LRRFIP1: variants seen among roughly 807,000 people sequenced by gnomAD.
The protein encoded by LRRFIP1 is leucine-rich repeat flightless-interacting protein 1.
Under a neutral mutation model 104.4 loss-of-function variants are expected in LRRFIP1, and 62 were observed. The observed-to-expected ratio is 0.59, with a 90% CI of 0.48 to 0.73. The LOEUF is 0.73. Among genes scored for constraint, LRRFIP1 ranks in the 30% least tolerant of loss-of-function variants. The pLI is 0.00. For synonymous variants in LRRFIP1, 300 were observed against 299.0 expected, an observed-to-expected ratio of 1.00 and a Z score of -0.03; for missense variants, 796 against 824.5, an observed-to-expected ratio of 0.97 and a Z score of 0.42.
chr2:237,756,587 T>C (rs554262940), intron 16 of LRRFIP1, among the ~76,000 whole-genome samples: 10 of 152,372 alleles, frequency 6.6e-5, no homozygotes, highest in Admixed American at 3.9e-4. Context: ...CAGATGAATT[T>C]AGAGGGACAC....
chr2:237,760,216 G>C lies in LRRFIP1; in HGVS notation c.1459+11G>C. The C allele has an allele frequency of 6.2e-7, 1 of 1,613,574 alleles. No individual in the cohort carries two copies. The highest frequency in any genetic ancestry group is 8.5e-7 in the Non-Finnish European group (1 of 1,179,676). ...GGGATGGGACCCTAGGTAAGTATTT[G>C]CTTTCCTTCGGCTCCTCACACCTTT... On this transcript the variant is annotated intron_variant, in intron 19 of 23. Transcript: ENST00000308482.
chr2:237,719,406 T>C (rs2094458390), intron 4 of LRRFIP1, 117 bp from the exon 5 acceptor site: 1 of 641,148 alleles, frequency 1.6e-6, no homozygotes. Flanking sequence ...AATATTTATG[T>C]GACATTTAGA....
At chr2:237,645,882 GCC>G (rs1232264128) in intron 1 of LRRFIP1, among the ~76,000 whole-genome samples, 1,926 of 152,042 alleles carry the variant, frequency 0.013, 61 homozygotes, top group African/African-American at 0.043. Context: ...TCTTTACAAA[GCC>G]CTGTCCACTG....
At chr2:237,667,211 T>C (rs1327416252) in intron 1 of LRRFIP1, among the ~76,000 whole-genome samples, 1 of 152,114 alleles carries the variant, frequency 6.6e-6, no homozygotes, top group African/African-American at 2.4e-5. Context: ...CTGGTAAGTG[T>C]TGTTCCCCTC....
In LRRFIP1 at chr2:237,733,693, A is replaced by G. The variant is rs1439196734; in HGVS notation, c.445-81A>G. On this transcript the variant is annotated intron_variant, in intron 8 of 23. Coordinates refer to ENST00000308482, the MANE Select transcript of LRRFIP1 (RefSeq NM_001137550.2). ...GCAGTTGGCTATGGTGAATGCTGAA[A>G]CTATCGTGATGGCCTTTTGCTGTCA... 4.3e-6 allele frequency: 6 copies of G among 1,381,598 alleles called. No homozygotes were observed. In the African/African-American group the frequency reaches 7.1e-5, roughly 16 times the overall value. 85.6% of individuals were successfully genotyped at this position (1,381,598 alleles called of 1,614,324 possible).
intron 1 of LRRFIP1, among the ~76,000 whole-genome samples, chr2:237,631,719 G>A (rs2082365413): frequency 6.6e-6 from 1 of 152,214 alleles, no homozygotes; most frequent in South Asian, 2.1e-4. Flanking sequence ...GCTGAGTAAA[G>A]CGATACTGGT....
At chr2:237,648,450 G>C (rs900787550) in intron 1 of LRRFIP1, among the ~76,000 whole-genome samples, 2 of 151,812 alleles carry the variant, frequency 1.3e-5, no homozygotes, top group African/African-American at 4.8e-5. Flanking sequence ...CTCACGGCCA[G>C]GTGCCGTTGG....
chr2:237,644,670 ATTTTCCCAG>A (rs978183948), intron 1 of LRRFIP1, among the ~76,000 whole-genome samples: 5 of 152,160 alleles, frequency 3.3e-5, no homozygotes, highest in African/African-American at 1.2e-4. Context: ...TGACAACAGG[ATTTTCCCAG>A]TTTTCCCACT....
chr2:237,749,154 C>T, intron 12 of LRRFIP1, 45 bp from the exon 13 acceptor site: 1 of 1,587,936 alleles, frequency 6.3e-7, no homozygotes, highest in Non-Finnish European at 8.6e-7. Flanking sequence ...TGGGTGGGGA[C>T]ACAGAGCTAA....
chr2:237,751,443 C>G (rs2058619092), intron 14 of LRRFIP1, among the ~76,000 whole-genome samples, 172 bp downstream of exon 14: 1 of 152,176 alleles, frequency 6.6e-6, no homozygotes, highest in Admixed American at 6.5e-5. Context: ...CACCATTTTC[C>G]CAAATGCATT....
intron 1 of LRRFIP1, among the ~76,000 whole-genome samples, chr2:237,702,655 C>T (rs1024845683): frequency 2.2e-4 from 33 of 152,152 alleles, no homozygotes; most frequent in South Asian, 2.1e-4. Flanking sequence ...CATTTCCTTC[C>T]TTCTTTTCTT....
intron 12 of LRRFIP1, 101 bp downstream of exon 12, chr2:237,748,500 G>T: frequency 6.3e-6 from 7 of 1,106,962 alleles, no homozygotes; most frequent in South Asian, 1.4e-5. Context: ...GTTCCCCAGC[G>T]AGGGAACTGG....
chr2:237,742,737 A>C (rs1303933455), intron 11 of LRRFIP1, among the ~76,000 whole-genome samples: 1 of 152,232 alleles, frequency 6.6e-6, no homozygotes, highest in African/African-American at 2.4e-5. Flanking sequence ...AGAAGCCAGG[A>C]GAGCCTGGAT....
chr2:237,775,839 A>AT (rs939931753), intron 23 of LRRFIP1, among the ~76,000 whole-genome samples: 67 of 152,296 alleles, frequency 4.4e-4, no homozygotes, highest in Middle Eastern at 3.4e-3. Context: ...ACCGTTTTTC[A>AT]TTAAAAAAAA....
intron 15 of LRRFIP1, among the ~76,000 whole-genome samples, chr2:237,754,764 G>A (rs1322187332): frequency 6.6e-6 from 1 of 152,240 alleles, no homozygotes; most frequent in Non-Finnish European, 1.5e-5. Context: ...ATGTCATGTG[G>A]GAACGGAGGA....
At position 237,780,156 on chromosome 2, in the gene LRRFIP1, C is replaced by T. The variant is rs2061400780; in HGVS notation, c.*624C>T. The T allele has an allele frequency of 1.3e-5, 2 of 152,146 alleles. No individual in the cohort carries two copies. Among genetic ancestry groups the T allele is most frequent in the Non-Finnish European group, 2.9e-5 (2 of 68,028 alleles). 9.4% of individuals were successfully genotyped at this position (152,146 alleles called of 1,614,324 possible). On this transcript the variant is annotated 3_prime_UTR_variant, in exon 24 of 24. Coordinates refer to ENST00000308482, the MANE Select transcript of LRRFIP1 (RefSeq NM_001137550.2). The stretch of plus-strand genomic sequence containing the variant: ...TAAGGGATTTTTGCATCAGTTCAGT[C>T]ATAAGAATACTTTTTTCCAGGGTAA...
At chr2:237,706,562 C>T (rs1410656981) in intron 1 of LRRFIP1, among the ~76,000 whole-genome samples, 2 of 152,168 alleles carry the variant, frequency 1.3e-5, no homozygotes, top group Non-Finnish European at 2.9e-5. Context: ...TTGGTAGGGC[C>T]GTAGGACGTC....
chr2:237,719,061 T>C (rs1384715989), intron 4 of LRRFIP1, among the ~76,000 whole-genome samples: 1 of 152,176 alleles, frequency 6.6e-6, no homozygotes, highest in Non-Finnish European at 1.5e-5. Context: ...CATCCCCAGC[T>C]TCAGAGATGT....
rs537657334 is a variant in LRRFIP1 at position 237,658,003 on chromosome 2, G to A, written c.96+30263G>A. 1.6e-4 allele frequency among the ~76,000 whole-genome samples: 24 copies of A among 152,288 alleles called. No individual in the cohort carries two copies. The South Asian group carries it at 2.9e-3, about 18-fold the overall frequency. ...GTACACAAGAGAACTGGCAATGAGC[G>A]TTATTTAACTGTGGGACTAAGACAA... On this transcript the variant is annotated intron_variant, in intron 1 of 23. Transcript: ENST00000308482.
Sources: allele counts gnomAD v4.1 joint callset (sites outside exome capture counted in the v4.1 genomes callset), GRCh38; gene constraint gnomAD v4.1.1; transcripts MANE v1.5; gene names NCBI Gene and HGNC (gene_info 2026-07-23, HGNC 2026-07-21).